The following NCALD variants were observed in gnomAD, a reference collection of about 807,000 sequenced individuals.
The protein encoded by NCALD is neurocalcin-delta.
NCALD carries 10 observed loss-of-function variants against 18.6 expected under a neutral mutation model. The observed-to-expected ratio is 0.54, with a 90% CI of 0.33 to 0.91. NCALD has a LOEUF of 0.91. Ranked by LOEUF, NCALD falls within the 40% of genes least tolerant of loss-of-function variation. NCALD has a pLI of 0.03. For synonymous variants in NCALD, 88 were observed against 87.4 expected (o/e 1.01, Z -0.04); for missense variants, 184 against 247.6 (o/e 0.74, Z 1.72).
At chr8:101,888,628 G>A (rs1333145086) in intron 3 of NCALD, among the ~76,000 whole-genome samples, 3 of 151,776 alleles carry the variant, frequency 2.0e-5, no homozygotes, top group Non-Finnish European at 4.4e-5. Context: ...TGTTGCCCAG[G>A]CTGGTCTCAA....
At chr8:101,926,426 G>A (rs1586765275) in intron 2 of NCALD, among the ~76,000 whole-genome samples, 1 of 152,154 alleles carries the variant, frequency 6.6e-6, no homozygotes, top group Non-Finnish European at 1.5e-5. Context: ...TTGTGGCTTG[G>A]AAGGACTCAG....
intron 1 of NCALD, among the ~76,000 whole-genome samples, chr8:101,771,895 AT>A (rs1811598701): frequency 6.6e-6 from 1 of 152,244 alleles, no homozygotes; most frequent in Non-Finnish European, 1.5e-5. Flanking sequence ...TATCCCATTC[AT>A]TCAATGAATA....
At chr8:101,714,891 G>T (rs546489966) in intron 2 of NCALD, among the ~76,000 whole-genome samples, 11 of 150,918 alleles carry the variant, frequency 7.3e-5, no homozygotes, top group Admixed American at 2.0e-4. Context: ...CAGCTACTCG[G>T]GAGGCTGAGG....
At chr8:102,068,191 C>A (rs776704106) in intron 1 of NCALD, among the ~76,000 whole-genome samples, 3 of 152,182 alleles carry the variant, frequency 2.0e-5, no homozygotes, top group Non-Finnish European at 4.4e-5. Flanking sequence ...AGGCTGGACA[C>A]CGACTGACAG....
intron 4 of NCALD, chr8:101,871,951 TCAGA>T (rs1816038521): frequency 2.7e-6 from 2 of 743,844 alleles, no homozygotes; most frequent in Admixed American, 1.8e-5. Context: ...TGCTCTAGAT[TCAGA>T]CAGTTTCCAC....
chr8:101,952,694 A>T (rs932614285), intron 2 of NCALD, among the ~76,000 whole-genome samples: 1 of 151,606 alleles, frequency 6.6e-6, no homozygotes, highest in Non-Finnish European at 1.5e-5. Context: ...AAGGAGAAAG[A>T]TAGAAACACA....
At chr8:102,077,435 G>A (rs572403980) in intron 1 of NCALD, among the ~76,000 whole-genome samples, 2 of 146,416 alleles carry the variant, frequency 1.4e-5, no homozygotes, top group East Asian at 3.9e-4. Flanking sequence ...GGTACCAAAT[G>A]CCTCTGAAAT....
At position 101,957,590 on chromosome 8, in the gene NCALD, T is replaced by C. The variant is rs895114213; in HGVS notation, c.-156-41732A>G. Reference sequence around the variant, plus strand: ...ATATTTGTTTTCCTACCAAAAATAGTTGGAGTCTCCTAAAATGTGAAAGGG... The same window carrying C: ...ATATTTGTTTTCCTACCAAAAATAGCTGGAGTCTCCTAAAATGTGAAAGGG... On this transcript the variant is annotated intron_variant, in intron 2 of 6. Coordinates refer to the NCALD transcript ENST00000311028. 4.6e-5 allele frequency among the ~76,000 whole-genome samples: 7 copies of C among 152,212 alleles called. No individual in the cohort carries two copies. In the South Asian group the frequency reaches 6.2e-4, roughly 14 times the overall value.
At chr8:101,737,284 A>G (rs995046078) in intron 1 of NCALD, among the ~76,000 whole-genome samples, 10 of 152,148 alleles carry the variant, frequency 6.6e-5, no homozygotes, top group African/African-American at 2.4e-4. Context: ...GACAGGGTCT[A>G]TGTTGCCCAT....
chr8:101,954,689 C>A (rs181713995), intron 2 of NCALD, among the ~76,000 whole-genome samples: 23 of 152,306 alleles, frequency 1.5e-4, no homozygotes, highest in Non-Finnish European at 2.2e-4. Context: ...CAGGCAGACC[C>A]TACAAAGTGA....
chr8:101,812,920 A>T (rs1813360148), intron 4 of NCALD, among the ~76,000 whole-genome samples: 1 of 152,152 alleles, frequency 6.6e-6, no homozygotes, highest in South Asian at 2.1e-4. Flanking sequence ...CAATCAGCAC[A>T]TCTTTGTTCT....
In NCALD at chr8:101,813,820, C is replaced by A. The variant is rs16868478; in HGVS notation, c.-20+73321G>T. Among the ~76,000 whole-genome samples the A allele has an allele frequency of 5.7e-3, 868 of 152,146 alleles. 11 individuals are homozygous for A. The highest frequency in any genetic ancestry group is 0.018 in the African/African-American group (763 of 41,504). On this transcript the variant is annotated intron_variant, in intron 4 of 6. Coordinates refer to the NCALD transcript ENST00000311028. Reference sequence around the variant, plus strand: ...AAAGAAAACTCTCAAGATTAGAATTCATGGTGAAAATCTGTCCATATACAT... The same window carrying A: ...AAAGAAAACTCTCAAGATTAGAATTAATGGTGAAAATCTGTCCATATACAT...
chr8:101,759,452 C>CAATGGGGAAAATTGTATGCAGTAA (rs1171994508), intron 1 of NCALD, among the ~76,000 whole-genome samples: 4 of 152,034 alleles, frequency 2.6e-5, no homozygotes, highest in Admixed American at 6.6e-5. Flanking sequence ...CTTGATACAC[C>CAATGGGGAAAATTGTATGCAGTAA]AATGGGGAAA....
intron 4 of NCALD, among the ~76,000 whole-genome samples, chr8:101,860,843 C>A (rs907071100): frequency 8.5e-5 from 13 of 152,170 alleles, no homozygotes; most frequent in African/African-American, 3.1e-4. Context: ...TATATGCAGA[C>A]TGTTTAGAAA....
chr8:101,878,046 T>A (rs1816302648), intron 4 of NCALD, among the ~76,000 whole-genome samples: 1 of 152,222 alleles, frequency 6.6e-6, no homozygotes, highest in Admixed American at 6.5e-5. Context: ...TCTGGGCACA[T>A]GCTGTATGTC....
At chr8:101,848,045 G>A (rs1814939551) in intron 4 of NCALD, among the ~76,000 whole-genome samples, 1 of 152,168 alleles carries the variant, frequency 6.6e-6, no homozygotes, top group Admixed American at 6.5e-5. Context: ...GAGACTTTGG[G>A]GGTTGAATGA....
At chr8:101,835,979 G>A (rs918146601) in intron 4 of NCALD, among the ~76,000 whole-genome samples, 2 of 152,102 alleles carry the variant, frequency 1.3e-5, no homozygotes, top group Admixed American at 6.6e-5. Context: ...AAGCTGACCT[G>A]CTCTAGCTAC....
chr8:102,042,171 T>C (rs912932403), intron 1 of NCALD, among the ~76,000 whole-genome samples: 2 of 151,884 alleles, frequency 1.3e-5, no homozygotes, highest in African/African-American at 4.9e-5. Flanking sequence ...AGTTTAGAGA[T>C]TAATAGACTC....
chr8:101,753,485 C>T (rs1222612307), intron 1 of NCALD, among the ~76,000 whole-genome samples: 2 of 152,212 alleles, frequency 1.3e-5, no homozygotes, highest in East Asian at 3.8e-4. Context: ...TTTACACCCT[C>T]TACAATGTCA....
Sources: allele counts gnomAD v4.1 joint callset (sites outside exome capture counted in the v4.1 genomes callset), GRCh38; gene constraint gnomAD v4.1.1; transcripts MANE v1.5; gene names NCBI Gene and HGNC (gene_info 2026-07-23, HGNC 2026-07-21).